The following PTPRH variants were observed in gnomAD, a reference collection of about 807,000 sequenced individuals.
PTPRH encodes receptor-type tyrosine-protein phosphatase H.
PTPRH carries 113 observed loss-of-function variants against 130.2 expected under a neutral mutation model. That is an observed-to-expected ratio of 0.87 (90% CI 0.75 to 1.01). PTPRH has a LOEUF of 1.01. Among genes scored for constraint, PTPRH ranks in the 50% least tolerant of loss-of-function variants. PTPRH has a pLI of 0.00. For synonymous variants in PTPRH, 556 were observed against 577.9 expected, an observed-to-expected ratio of 0.96 and a Z score of 0.54; for missense variants, 1,430 against 1,425.0, an observed-to-expected ratio of 1.00 and a Z score of -0.06.
At chr19:55,205,677 G>A (rs1163770831) in intron 3 of PTPRH, 85 bp from the exon 4 acceptor site, 45 of 1,567,314 alleles carry the variant, frequency 2.9e-5, no homozygotes, top group Admixed American at 5.3e-5. Flanking sequence ...GCATCCAGCA[G>A]GTAGAGGCAG....
rs2086770996 is a variant in PTPRH, at chr19:55,198,890, G to A, written c.1443C>T (p.Leu481=). The A allele has an allele frequency of 1.3e-6, 2 of 1,523,670 alleles. No homozygotes were observed. The allele number at this position is 1,523,670 out of a possible 1,614,324, so 94.4% of individuals were successfully genotyped here. A position where few individuals can be genotyped will look rare whatever the true frequency, so the allele number is the denominator to read the frequency against. ...ISTVPNAVTS[L]SKQDWTNSTI... is the part of the protein sequence containing the mutation. ...TGCTGTTGGTCCAGTCCTGCTTGCT[G>A]AGGCTTGTCACTGCGTTGGGGACTG... The change falls in exon 8 of 20, where the codon CTC becomes CTT. Residue 481 remains leucine, a synonymous_variant. Coordinates refer to ENST00000376350, the MANE Select transcript of PTPRH (RefSeq NM_002842.5).
At chr19:55,204,153 T>A in intron 4 of PTPRH, 105 bp from the exon 5 acceptor site, 1 of 1,291,444 alleles carries the variant, frequency 7.7e-7, no homozygotes, top group Non-Finnish European at 1.1e-6. Context: ...AGAGTCTCTG[T>A]CTGTCATCCA....
intron 6 of PTPRH, among the ~76,000 whole-genome samples, chr19:55,201,449 A>G (rs1165921708): frequency 6.6e-6 from 1 of 152,222 alleles, no homozygotes; most frequent in African/African-American, 2.4e-5. Flanking sequence ...TCACTTTCCA[A>G]TATGGTAGGC....
In PTPRH at chr19:55,194,170, T is replaced by A. The variant is rs960704725; in HGVS notation, c.2257+2352A>T. On this transcript the variant is annotated intron_variant, in intron 10 of 19. Coordinates refer to ENST00000376350, the MANE Select transcript of PTPRH (RefSeq NM_002842.5). Reference sequence around the variant, plus strand: ...TGGCTGATCTGGTGGTGTCTATGGGTGCTCTCAGGCTCTGATGGCACAGTT... The same window carrying A: ...TGGCTGATCTGGTGGTGTCTATGGGAGCTCTCAGGCTCTGATGGCACAGTT... 2.4e-5 allele frequency: 31 copies of A among 1,288,798 alleles called. 1 individual carries two copies. The East Asian group carries it at 2.8e-4, about 12-fold the overall frequency. The allele number at this position is 1,288,798 out of a possible 1,614,324, so 79.8% of individuals were successfully genotyped here.
intron 10 of PTPRH, chr19:55,194,278 A>T: frequency 3.1e-6 from 4 of 1,289,594 alleles, no homozygotes; most frequent in Non-Finnish European, 4.0e-6. Flanking sequence ...AAGGCCCCCA[A>T]GCTGCAGCTT....
chr19:55,187,456 G>A (rs2086392926), intron 14 of PTPRH, 57 bp downstream of exon 14: 1 of 1,429,822 alleles, frequency 7.0e-7, no homozygotes, highest in African/African-American at 1.4e-5. Context: ...AGGGGACTGG[G>A]GTGGGGTGCC....
chr19:55,204,956 TGA>T (rs1440927827), intron 4 of PTPRH, among the ~76,000 whole-genome samples: 1 of 152,230 alleles, frequency 6.6e-6, no homozygotes, highest in East Asian at 1.9e-4. Context: ...GCTGATGATC[TGA>T]GTTTCCATCC....
chr19:55,195,074 C>A (rs2086644928), intron 10 of PTPRH, among the ~76,000 whole-genome samples: 4 of 152,262 alleles, frequency 2.6e-5, no homozygotes, highest in Admixed American at 2.6e-4. Flanking sequence ...CCTGTAATCC[C>A]TGCACTTCAG....
intron 10 of PTPRH, among the ~76,000 whole-genome samples, chr19:55,192,380 T>A (rs1256226846): frequency 6.6e-6 from 1 of 151,614 alleles, no homozygotes. Context: ...CCAGCCTGGG[T>A]AACAGAGCAA....
At chr19:55,206,232 C>CAA (rs549937134) in intron 3 of PTPRH, among the ~76,000 whole-genome samples, 31 of 125,452 alleles carry the variant, frequency 2.5e-4, no homozygotes, top group African/African-American at 6.3e-4. Context: ...GACTCTGCCT[C>CAA]AAAAAAAAAA....
chr19:55,184,059 C>T (rs1191771694), intron 18 of PTPRH, among the ~76,000 whole-genome samples: 1 of 151,888 alleles, frequency 6.6e-6, no homozygotes, highest in Non-Finnish European at 1.5e-5. Context: ...CCGAGGTGGT[C>T]GGATCACTTG....
intron 7 of PTPRH, among the ~76,000 whole-genome samples, chr19:55,199,327 G>A (rs960218838): frequency 2.0e-5 from 3 of 151,120 alleles, no homozygotes; most frequent in African/African-American, 7.3e-5. Context: ...GAGAGAGAGA[G>A]GCCGGGCGCA....
chr19:55,185,711 C>A, intron 17 of PTPRH, 49 bp from the exon 18 acceptor site: 1 of 1,602,896 alleles, frequency 6.2e-7, no homozygotes, highest in Non-Finnish European at 8.5e-7. Flanking sequence ...GTAGGGAGGA[C>A]CTGGCTTCTA....
intron 10 of PTPRH, among the ~76,000 whole-genome samples, chr19:55,194,876 G>A (rs2086639402): frequency 6.6e-6 from 1 of 152,078 alleles, no homozygotes; most frequent in South Asian, 2.1e-4. Flanking sequence ...CCATCAACTG[G>A]ATCAATGAAT....
intron 4 of PTPRH, 141 bp from the exon 5 acceptor site, chr19:55,204,189 G>A (rs45504594): frequency 0.097 from 91,214 of 940,090 alleles, 5,154 homozygotes; most frequent in Middle Eastern, 0.21. Flanking sequence ...GCACGATCTC[G>A]GCTCACCACA....
At chr19:55,191,778 G>C (rs1300738774) in intron 10 of PTPRH, 37 bp from the exon 11 acceptor site, 3 of 1,550,058 alleles carry the variant, frequency 1.9e-6, no homozygotes, top group East Asian at 2.2e-5. Flanking sequence ...TCAGAGCGCA[G>C]GTCTGAGCTG....
At chr19:55,185,251 C>T (rs2086285250) in intron 18 of PTPRH, among the ~76,000 whole-genome samples, 1 of 152,188 alleles carries the variant, frequency 6.6e-6, no homozygotes, top group African/African-American at 2.4e-5. Context: ...CCTTGGCCTC[C>T]CAAAGTGCTA....
At chr19:55,201,156 A>G (rs972559768) in intron 6 of PTPRH, among the ~76,000 whole-genome samples, 1 of 152,012 alleles carries the variant, frequency 6.6e-6, no homozygotes, top group Non-Finnish European at 1.5e-5. Context: ...TGAGGTAGGG[A>G]GATTGCTTGA....
In PTPRH at chr19:55,198,838, G is replaced by A. The variant is rs1568915231; in HGVS notation, c.1495C>T (p.Gln499Ter). The part of the protein sequence containing the change: ...STIALRWTAP[Q>*]GPGQSSYSYW... ...CTGTAGGAAGACTGGCCTGGGCCCT[G>A]GGGAGCTGTCCAGCGCAAAGCAATG... Residue 499 changes from glutamine (Q) to a stop codon, truncating the protein, a stop_gained, in exon 8 of 20, where the codon CAG becomes TAG. Transcript: ENST00000376350. LOFTEE classifies it high-confidence loss of function. The A allele has an allele frequency of 6.2e-7, 1 of 1,601,136 alleles. No individual in the cohort carries two copies. The highest frequency in any genetic ancestry group is 8.5e-7 in the Non-Finnish European group (1 of 1,172,638).
Sources: allele counts gnomAD v4.1 joint callset (sites outside exome capture counted in the v4.1 genomes callset), GRCh38; gene constraint gnomAD v4.1.1; transcripts MANE v1.5; gene names NCBI Gene and HGNC (gene_info 2026-07-23, HGNC 2026-07-21).